The following KCNB2 variants were observed in gnomAD, a reference collection of about 807,000 sequenced individuals.
KCNB2 encodes the protein delayed rectifier potassium channel protein.
In KCNB2, 15 loss-of-function variants were observed where a neutral mutation model predicts 61.5. The ratio of observed to expected loss-of-function variants is 0.24; its 90% CI spans 0.16 to 0.38. KCNB2 has a LOEUF of 0.38. Ranked by LOEUF, KCNB2 falls within the 10% of genes least tolerant of loss-of-function variation. KCNB2 has a pLI of 1.00. For missense variants in KCNB2, 828 were observed against 1,125.2 expected (o/e 0.74, Z 3.78); for synonymous variants, 457 against 446.0 (o/e 1.02, Z -0.31).
At chr8:72,730,303 C>T (rs1011231358) in intron 2 of KCNB2, among the ~76,000 whole-genome samples, 1 of 152,174 alleles carries the variant, frequency 6.6e-6, no homozygotes, top group Non-Finnish European at 1.5e-5. Context: ...ACTGCCATTC[C>T]AAATACATTT....
chr8:72,722,488 G>A (rs890271604), intron 2 of KCNB2, among the ~76,000 whole-genome samples: 10 of 152,158 alleles, frequency 6.6e-5, no homozygotes, highest in Non-Finnish European at 1.3e-4. Context: ...CATGCGCTGG[G>A]CCCTCTGCTC....
intron 2 of KCNB2, among the ~76,000 whole-genome samples, chr8:72,605,706 T>C (rs995608728): frequency 4.6e-5 from 7 of 152,234 alleles, no homozygotes; most frequent in Non-Finnish European, 1.0e-4. Context: ...GAAATAAATA[T>C]TCCAAATGAA....
At chr8:72,558,757 A>T (rs1363813604) in intron 1 of KCNB2, among the ~76,000 whole-genome samples, 1 of 152,216 alleles carries the variant, frequency 6.6e-6, no homozygotes, top group Non-Finnish European at 1.5e-5. Context: ...TTATCAAATA[A>T]TCAAAGTAAT....
chr8:72,830,949 G>A (rs1809683877), intron 2 of KCNB2, among the ~76,000 whole-genome samples: 2 of 152,226 alleles, frequency 1.3e-5, no homozygotes, highest in South Asian at 4.1e-4. Flanking sequence ...CAAAGCTTTA[G>A]CTCAAGTCTT....
At chr8:72,551,524 G>A (rs1305576226) in intron 1 of KCNB2, among the ~76,000 whole-genome samples, 1 of 152,046 alleles carries the variant, frequency 6.6e-6, no homozygotes, top group Non-Finnish European at 1.5e-5. Flanking sequence ...TTGCTAGAAG[G>A]CCGTCTCGCA....
intron 2 of KCNB2, among the ~76,000 whole-genome samples, chr8:72,675,776 G>A (rs1335764742): frequency 6.6e-6 from 1 of 151,872 alleles, no homozygotes; most frequent in Admixed American, 6.6e-5. Flanking sequence ...CTGGTCTCGA[G>A]CTCCTGACCT....
At chr8:72,727,779 A>G (rs953384273) in intron 2 of KCNB2, among the ~76,000 whole-genome samples, 22 of 152,216 alleles carry the variant, frequency 1.4e-4, no homozygotes, top group African/African-American at 5.1e-4. Flanking sequence ...TGACTGAAAA[A>G]CACAGAATGT....
intron 2 of KCNB2, among the ~76,000 whole-genome samples, chr8:72,729,227 T>C (rs961161609): frequency 6.6e-6 from 1 of 152,218 alleles, no homozygotes; most frequent in African/African-American, 2.4e-5. Flanking sequence ...CCTTCAGACC[T>C]AGTGTCCATT....
intron 2 of KCNB2, among the ~76,000 whole-genome samples, chr8:72,692,812 C>T (rs1806960417): frequency 6.8e-6 from 1 of 146,874 alleles, no homozygotes; most frequent in Admixed American, 6.8e-5. Flanking sequence ...TTGTATTATT[C>T]ATTATATTCA....
chr8:72,920,092 T>G (rs1036906877), intron 2 of KCNB2, among the ~76,000 whole-genome samples: 2 of 152,108 alleles, frequency 1.3e-5, no homozygotes, highest in African/African-American at 2.4e-5. Context: ...TTGAGTCAAT[T>G]ATTTTAAAAT....
chr8:72,579,353 A>C (rs1001723077), intron 2 of KCNB2, among the ~76,000 whole-genome samples: 1 of 152,188 alleles, frequency 6.6e-6, no homozygotes, highest in African/African-American at 2.4e-5. Flanking sequence ...CACAAAATTG[A>C]ATATTGTAAG....
intron 2 of KCNB2, among the ~76,000 whole-genome samples, chr8:72,683,926 A>G (rs1241764701): frequency 1.3e-5 from 2 of 152,204 alleles, no homozygotes; most frequent in Admixed American, 6.5e-5. Flanking sequence ...TTTATATGGC[A>G]TATTTGTGAG....
At chr8:72,547,774 G>A (rs1337783420) in intron 1 of KCNB2, among the ~76,000 whole-genome samples, 1 of 152,162 alleles carries the variant, frequency 6.6e-6, no homozygotes, top group African/African-American at 2.4e-5. Context: ...CACAACAAAG[G>A]ATTTGGAATA....
Position 72,937,301 on chromosome 8 carries a change from C to G in KCNB2, c.1946C>G (p.Pro649Arg). Residue 649 changes from proline (P) to arginine (R), a missense_variant, in exon 3 of 3, where the codon CCC becomes CGC. Physicochemically the swap from Pro to Arg is moderately radical, Grantham distance 103. Around this residue, in one of 4 missense-constraint regions of KCNB2, gnomAD observed 559 missense variants for 588.4 expected, o/e 0.95. Coordinates refer to ENST00000523207, the MANE Select transcript of KCNB2 (RefSeq NM_004770.3). ...GAAGAGCACCAAAGAGCTAGGGGCC[C>G]CCCGTTTCTAACTCTATCCAGAGAG... ...GTEEHQRARGPPFLTLSREKG... is the reference protein window; with the variant it reads ...GTEEHQRARGRPFLTLSREKG... The G allele has an allele frequency of 1.9e-6, 3 of 1,613,984 alleles. No individual in the cohort carries two copies. Among genetic ancestry groups the G allele is most frequent in the Non-Finnish European group, 1.7e-6 (2 of 1,179,992 alleles).
At chr8:72,889,803 T>C (rs563797950) in intron 2 of KCNB2, among the ~76,000 whole-genome samples, 1 of 152,352 alleles carries the variant, frequency 6.6e-6, no homozygotes, top group South Asian at 2.1e-4. Context: ...GTTGCCCATC[T>C]GGAGTGCAGT....
chr8:72,793,003 A>G (rs1808971264), intron 2 of KCNB2, among the ~76,000 whole-genome samples: 1 of 152,214 alleles, frequency 6.6e-6, no homozygotes, highest in Non-Finnish European at 1.5e-5. Flanking sequence ...CCAAAGAATG[A>G]CGGTTTGAAA....
At chr8:72,867,943 G>T (rs1282622696) in intron 2 of KCNB2, among the ~76,000 whole-genome samples, 1 of 151,920 alleles carries the variant, frequency 6.6e-6, no homozygotes, top group Non-Finnish European at 1.5e-5. Flanking sequence ...ATGACATGAG[G>T]ATTCACAGGA....
chr8:72,921,293 T>TA (rs1806516453), intron 2 of KCNB2, among the ~76,000 whole-genome samples: 2 of 152,164 alleles, frequency 1.3e-5, no homozygotes, highest in African/African-American at 4.8e-5. Context: ...TCTACTTTTT[T>TA]TAAAAAATGC....
At chr8:72,820,384 A>C (rs1369422149) in intron 2 of KCNB2, among the ~76,000 whole-genome samples, 1 of 152,218 alleles carries the variant, frequency 6.6e-6, no homozygotes, top group African/African-American at 2.4e-5. Context: ...TATTCCAATG[A>C]ACTTTCCAAT....
Sources: gnomAD v4.1 joint callset for allele counts (sites outside exome capture counted in the v4.1 genomes callset) on GRCh38, gnomAD v4.1.1 for gene constraint, gnomAD v4.1.1 regional missense constraint, MANE v1.5 for transcripts, NCBI Gene and HGNC (gene_info 2026-07-23, HGNC 2026-07-21) for gene names.